The following SLC8A1 variants were observed in gnomAD, a reference collection of about 807,000 sequenced individuals.
SLC8A1 encodes sodium/calcium exchanger 1.
SLC8A1 carries 18 observed loss-of-function variants against 68.3 expected under a neutral mutation model. The ratio of observed to expected loss-of-function variants is 0.26; its 90% CI spans 0.18 to 0.39. The LOEUF is 0.39. Ranked by LOEUF, SLC8A1 falls within the 10% of genes least tolerant of loss-of-function variation. SLC8A1 has a pLI of 1.00. For missense variants in SLC8A1, 985 were observed against 1,156.7 expected (o/e 0.85, Z 2.15); for synonymous variants, 475 against 415.5 (o/e 1.14, Z -1.74).
chr2:40,408,727 A>T (rs1040789209), intron 2 of SLC8A1, among the ~76,000 whole-genome samples: 1 of 152,192 alleles, frequency 6.6e-6, no homozygotes, highest in East Asian at 1.9e-4. Context: ...CTGTATTTCG[A>T]AGGGGCACCA....
chr2:40,329,082 ACAC>A (rs2076146432), intron 2 of SLC8A1, among the ~76,000 whole-genome samples: 1 of 151,632 alleles, frequency 6.6e-6, no homozygotes, highest in Non-Finnish European at 1.5e-5. Context: ...ACACACACAC[ACAC>A]ACACACACAC....
chr2:40,432,597 G>T (rs11684372), intron 1 of SLC8A1, among the ~76,000 whole-genome samples: 22,606 of 151,550 alleles, frequency 0.15, 1,902 homozygotes, highest in South Asian at 0.22. Flanking sequence ...TGGGAATCAT[G>T]CTTGGCACAG....
rs1021558165 is a variant in SLC8A1 at position 40,377,705 on chromosome 2, G to A, written c.1808+50768C>T. Among the ~76,000 whole-genome samples the A allele has an allele frequency of 3.9e-5, 6 of 152,154 alleles. No homozygotes were observed. In the East Asian group the frequency reaches 5.8e-4, roughly 15 times the overall value. ...CTTAGTCTCTAGATACGACATCACC[G>A]AGTATGAGTGGGAGCTGGAAGCACT... On this transcript the variant is annotated intron_variant, in intron 2 of 7. Coordinates refer to ENST00000406785, the Ensembl canonical transcript of SLC8A1.
At chr2:40,372,359 C>T (rs957058095) in intron 2 of SLC8A1, among the ~76,000 whole-genome samples, 2 of 152,074 alleles carry the variant, frequency 1.3e-5, no homozygotes, top group Non-Finnish European at 2.9e-5. Context: ...GCAAAATTTA[C>T]AAGTAAGAAG....
intron 2 of SLC8A1, among the ~76,000 whole-genome samples, chr2:40,239,767 A>G (rs1028932010): frequency 7.9e-5 from 12 of 152,248 alleles, no homozygotes; most frequent in Admixed American, 1.3e-4. Context: ...CTGAATTTTC[A>G]TTCCCCACTT....
intron 2 of SLC8A1, among the ~76,000 whole-genome samples, chr2:40,372,557 A>C (rs1329511049): frequency 3.3e-5 from 5 of 152,134 alleles, no homozygotes; most frequent in Non-Finnish European, 5.9e-5. Context: ...GAAGGCAAGC[A>C]ATATTAACTT....
chr2:40,458,589 C>T (rs1481152679), intron 1 of SLC8A1, among the ~76,000 whole-genome samples: 1 of 150,814 alleles, frequency 6.6e-6, no homozygotes, highest in African/African-American at 2.4e-5. Context: ...ACACAGTCAC[C>T]ATATCTACAC....
intron 2 of SLC8A1, among the ~76,000 whole-genome samples, chr2:40,381,769 T>G (rs1020231594): frequency 5.3e-5 from 8 of 151,342 alleles, no homozygotes; most frequent in Non-Finnish European, 8.8e-5. Context: ...CTAGATAGTA[T>G]CAAGGAACTG....
chr2:40,331,969 G>C (rs1022602678), intron 2 of SLC8A1, among the ~76,000 whole-genome samples: 1 of 151,830 alleles, frequency 6.6e-6, no homozygotes, highest in Non-Finnish European at 1.5e-5. Flanking sequence ...GACAGTTTGA[G>C]GTTACAGTGA....
At chr2:40,330,105 T>C (rs1183769360) in intron 2 of SLC8A1, among the ~76,000 whole-genome samples, 1 of 152,210 alleles carries the variant, frequency 6.6e-6, no homozygotes, top group Non-Finnish European at 1.5e-5. Context: ...AAAATGAATT[T>C]TAAATAATAT....
intron 2 of SLC8A1, among the ~76,000 whole-genome samples, chr2:40,395,121 C>CTA (rs1325705773): frequency 6.6e-6 from 1 of 152,144 alleles, no homozygotes; most frequent in Non-Finnish European, 1.5e-5. Flanking sequence ...TTACCTTAAT[C>CTA]TACTTACTTC....
intron 2 of SLC8A1, among the ~76,000 whole-genome samples, chr2:40,233,547 G>T (rs2059964170): frequency 7.2e-6 from 1 of 138,926 alleles, no homozygotes; most frequent in Non-Finnish European, 1.6e-5. Context: ...TCTGTAGGTT[G>T]CCTGTTCTCT....
At chr2:40,281,600 G>A (rs1045137920) in intron 2 of SLC8A1, among the ~76,000 whole-genome samples, 1 of 152,192 alleles carries the variant, frequency 6.6e-6, no homozygotes, top group Non-Finnish European at 1.5e-5. Context: ...CTGGGGCCTT[G>A]GCAAGTCTAA....
At chr2:40,341,235 A>G (rs777493897) in intron 2 of SLC8A1, among the ~76,000 whole-genome samples, 1 of 152,208 alleles carries the variant, frequency 6.6e-6, no homozygotes, top group Non-Finnish European at 1.5e-5. Flanking sequence ...AAGTCAATTC[A>G]TCTTCAGAAA....
At chr2:40,211,786 G>A (rs2056622645) in intron 2 of SLC8A1, among the ~76,000 whole-genome samples, 1 of 152,166 alleles carries the variant, frequency 6.6e-6, no homozygotes, top group African/African-American at 2.4e-5. Context: ...CCAGGTTCTA[G>A]GGTCCTCTTT....
chr2:40,414,884 G>A (rs758084762), intron 2 of SLC8A1, among the ~76,000 whole-genome samples: 10 of 152,210 alleles, frequency 6.6e-5, no homozygotes, highest in Middle Eastern at 3.4e-3. Context: ...AGACAATGAT[G>A]TATATTTATA....
At chr2:40,509,832 GT>G (rs1244489752) in intron 1 of SLC8A1, among the ~76,000 whole-genome samples, 5 of 150,622 alleles carry the variant, frequency 3.3e-5, no homozygotes, top group Non-Finnish European at 7.4e-5. Flanking sequence ...TTTTTTTCCG[GT>G]GCAGTCTCAC....
intron 2 of SLC8A1, among the ~76,000 whole-genome samples, chr2:40,305,434 C>T (rs2072382679): frequency 6.6e-6 from 1 of 152,170 alleles, no homozygotes; most frequent in African/African-American, 2.4e-5. Context: ...TGTCTCTAGA[C>T]ATTGCCAGAT....
At chr2:40,365,518 C>G (rs1321741794) in intron 2 of SLC8A1, among the ~76,000 whole-genome samples, 1 of 152,090 alleles carries the variant, frequency 6.6e-6, no homozygotes, top group African/African-American at 2.4e-5. Flanking sequence ...AGTAACAGCA[C>G]TGCTCAAGAA....
Sources: gnomAD v4.1 joint callset for allele counts (sites outside exome capture counted in the v4.1 genomes callset) on GRCh38, gnomAD v4.1.1 for gene constraint, MANE v1.5 for transcripts, NCBI Gene and HGNC (gene_info 2026-07-23, HGNC 2026-07-21) for gene names.